The following ZMAT4 variants were observed in gnomAD, a reference collection of about 807,000 sequenced individuals.
ZMAT4 encodes zinc finger matrin-type protein 4.
Under a neutral mutation model 28.7 loss-of-function variants are expected in ZMAT4, and 17 were observed. That is an observed-to-expected ratio of 0.59 (90% CI 0.41 to 0.89). The LOEUF (loss-of-function observed/expected upper bound fraction) is 0.89. Ranked by LOEUF, ZMAT4 falls within the 40% of genes least tolerant of loss-of-function variation. ZMAT4 has a pLI of 0.00. For missense variants in ZMAT4, 240 were observed against 283.8 expected, an observed-to-expected ratio of 0.85 and a Z score of 1.11; for synonymous variants, 117 against 109.2, an observed-to-expected ratio of 1.07 and a Z score of -0.44.
chr8:40,873,535 A>T (rs1031938102), intron 1 of ZMAT4, among the ~76,000 whole-genome samples: 4 of 152,086 alleles, frequency 2.6e-5, no homozygotes, highest in African/African-American at 9.7e-5. Context: ...CCCTTGTTTT[A>T]CAGAGGAGTC....
intron 5 of ZMAT4, among the ~76,000 whole-genome samples, chr8:40,642,065 T>C (rs1807056333): frequency 6.6e-6 from 1 of 152,202 alleles, no homozygotes; most frequent in Non-Finnish European, 1.5e-5. Flanking sequence ...GTCATTAAGG[T>C]TGTCAAATTT....
intron 4 of ZMAT4, among the ~76,000 whole-genome samples, chr8:40,680,319 T>C (rs1221389311): frequency 6.6e-6 from 1 of 151,842 alleles, no homozygotes; most frequent in Non-Finnish European, 1.5e-5. Context: ...ACTGAGAGGG[T>C]TTCCTAGGAC....
intron 1 of ZMAT4, among the ~76,000 whole-genome samples, chr8:40,876,546 G>A (rs1818047790): frequency 6.6e-6 from 1 of 152,098 alleles, no homozygotes; most frequent in South Asian, 2.1e-4. Context: ...GAGCTCCTGG[G>A]CTCAAGAAAT....
intron 5 of ZMAT4, among the ~76,000 whole-genome samples, chr8:40,610,829 T>C (rs1445882931): frequency 6.6e-6 from 1 of 150,816 alleles, no homozygotes. Context: ...GAATAAGAGA[T>C]AGGCCATAGA....
chr8:40,543,173 C>T lies in ZMAT4; in HGVS notation c.675-10935G>A, dbSNP rs542563543. Among the ~76,000 whole-genome samples, 11 of 152,198 alleles carry T rather than the reference C, an allele frequency of 7.2e-5. No individual in the cohort carries two copies. The East Asian group carries it at 9.7e-4, about 13-fold the overall frequency. ...AAACACAGCCAAACCTTTCAGCAGA[C>T]GTCCATATCCATTACTGAAAGCTGT... On this transcript the variant is annotated intron_variant, in intron 6 of 6. Transcript: ENST00000297737.
At chr8:40,576,338 C>A (rs1291943337) in intron 6 of ZMAT4, among the ~76,000 whole-genome samples, 1 of 150,416 alleles carries the variant, frequency 6.6e-6, no homozygotes. Context: ...GTAGATTAAA[C>A]CCAAAAAGGT....
At chr8:40,852,042 G>A (rs567193187) in intron 1 of ZMAT4, among the ~76,000 whole-genome samples, 88 of 151,882 alleles carry the variant, frequency 5.8e-4, no homozygotes, top group South Asian at 3.3e-3. Context: ...GACTACAGGC[G>A]CCTGACTAAT....
intron 2 of ZMAT4, among the ~76,000 whole-genome samples, chr8:40,797,781 C>T (rs151198896): frequency 3.3e-5 from 5 of 152,262 alleles, no homozygotes; most frequent in East Asian, 1.9e-4. Context: ...GGGGATCTGT[C>T]GACAGGTCAC....
At chr8:40,668,096 G>A (rs2122943) in intron 5 of ZMAT4, among the ~76,000 whole-genome samples, 51,130 of 151,948 alleles carry the variant, frequency 0.34, 9,716 homozygotes, top group Middle Eastern at 0.44. Flanking sequence ...GTTAATGCCA[G>A]CAAGGGAAGG....
chr8:40,710,996 G>A (rs367786930), intron 3 of ZMAT4, among the ~76,000 whole-genome samples: 8 of 152,008 alleles, frequency 5.3e-5, no homozygotes, highest in African/African-American at 1.7e-4. Flanking sequence ...ATGTTGGCTA[G>A]GATGGTCTCG....
chr8:40,712,270 G>C (rs1810656488), intron 3 of ZMAT4, among the ~76,000 whole-genome samples: 1 of 152,136 alleles, frequency 6.6e-6, no homozygotes, highest in Non-Finnish European at 1.5e-5. Flanking sequence ...GCCTAACCTA[G>C]AGAGCAAAAA....
At chr8:40,842,832 A>G (rs1431972894) in intron 1 of ZMAT4, among the ~76,000 whole-genome samples, 1 of 152,128 alleles carries the variant, frequency 6.6e-6, no homozygotes. Flanking sequence ...CTGGAGTGCA[A>G]TGGCGCGATC....
intron 2 of ZMAT4, among the ~76,000 whole-genome samples, chr8:40,817,204 G>A (rs1815576900): frequency 1.3e-5 from 2 of 152,018 alleles, no homozygotes; most frequent in Admixed American, 1.3e-4. Context: ...AAAATAAATC[G>A]GAAGCCTTTT....
At chr8:40,855,035 T>C (rs917535669) in intron 1 of ZMAT4, among the ~76,000 whole-genome samples, 2 of 152,152 alleles carry the variant, frequency 1.3e-5, no homozygotes, top group Non-Finnish European at 2.9e-5. Flanking sequence ...GCCAAATGCA[T>C]ACTGTACACC....
intron 3 of ZMAT4, among the ~76,000 whole-genome samples, chr8:40,708,816 T>C (rs1810479920): frequency 6.6e-6 from 1 of 151,626 alleles, no homozygotes; most frequent in Admixed American, 6.6e-5. Flanking sequence ...CGACAGCTAA[T>C]TTTTGTATTT....
rs934229527 is a variant in ZMAT4, at chr8:40,772,341, G to C, written c.103-4611C>G. ...TAGTCTAAAATGGAAATTCAGGCCA[G>C]CCTTCTCTTTGGGGGAATAAAGAAC... is the stretch of plus-strand genomic sequence containing the variant. On this transcript the variant is annotated intron_variant, in intron 2 of 6. Transcript: ENST00000297737. Among the ~76,000 whole-genome samples, 9 of 152,172 alleles carry C rather than the reference G, an allele frequency of 5.9e-5. 1 individual carries two copies. Among genetic ancestry groups the C allele is most frequent in the Admixed American group, 5.9e-4 (9 of 15,266 alleles).
At chr8:40,647,388 C>T (rs1425019840) in intron 5 of ZMAT4, among the ~76,000 whole-genome samples, 1 of 152,226 alleles carries the variant, frequency 6.6e-6, no homozygotes, top group Admixed American at 6.5e-5. Context: ...CACGGCGCAC[C>T]ACAAGATTAT....
intron 6 of ZMAT4, among the ~76,000 whole-genome samples, chr8:40,570,300 G>A (rs530429236): frequency 3.4e-4 from 52 of 152,240 alleles, no homozygotes; most frequent in Admixed American, 2.7e-3. Flanking sequence ...TCTTGATTGG[G>A]CTGATGGTTG....
At chr8:40,688,479 C>T (rs530550570) in intron 4 of ZMAT4, among the ~76,000 whole-genome samples, 1 of 152,074 alleles carries the variant, frequency 6.6e-6, no homozygotes, top group East Asian at 1.9e-4. Flanking sequence ...AAAATAAAAA[C>T]AAAATAAAAT....
Sources: allele counts gnomAD v4.1 joint callset (sites outside exome capture counted in the v4.1 genomes callset), GRCh38; gene constraint gnomAD v4.1.1; transcripts MANE v1.5; gene names NCBI Gene and HGNC (gene_info 2026-07-23, HGNC 2026-07-21).